SULT1B1: variants seen among roughly 807,000 people sequenced by gnomAD.
SULT1B1 encodes the protein sulfotransferase family 1B member 1.
A neutral mutation model predicts 34.6 loss-of-function variants in SULT1B1; 28 were observed. The observed-to-expected ratio is 0.81, with a 90% CI of 0.60 to 1.11. The LOEUF (loss-of-function observed/expected upper bound fraction) is 1.11. Ranked by LOEUF, SULT1B1 falls within the 50% of genes least tolerant of loss-of-function variation. The probability of loss-of-function intolerance (pLI) is 0.00; values close to 1 mark genes in which losing one functional copy is unlikely to be tolerated. For missense variants in SULT1B1, 374 were observed against 352.2 expected (o/e 1.06, Z -0.50); for synonymous variants, 147 against 110.2 (o/e 1.33, Z -2.09).
intron 4 of SULT1B1, among the ~76,000 whole-genome samples, chr4:69,741,983 A>C (rs1578056981): frequency 6.6e-6 from 1 of 152,004 alleles, no homozygotes; most frequent in Non-Finnish European, 1.5e-5. Context: ...AATGCTTTTA[A>C]CTTTTTCCTG....
chr4:69,728,479 C>T (rs145704891), intron 7 of SULT1B1, among the ~76,000 whole-genome samples: 100 of 152,122 alleles, frequency 6.6e-4, no homozygotes, highest in African/African-American at 2.3e-3. Flanking sequence ...CATGTACATG[C>T]CCCTTGCACT....
chr4:69,747,148 C>T (rs1379938597), intron 4 of SULT1B1, among the ~76,000 whole-genome samples: 1 of 152,124 alleles, frequency 6.6e-6, no homozygotes, highest in Non-Finnish European at 1.5e-5. Flanking sequence ...TTCAGCGGAG[C>T]ATTGGAGATG....
chr4:69,727,524 G>A (rs531916369), intron 7 of SULT1B1, among the ~76,000 whole-genome samples: 11 of 151,898 alleles, frequency 7.2e-5, no homozygotes, highest in Middle Eastern at 3.2e-3. Flanking sequence ...TCTAATGGTC[G>A]TAGGTCATGA....
At chr4:69,735,886 A>G (rs1718290419) in intron 4 of SULT1B1, among the ~76,000 whole-genome samples, 1 of 152,216 alleles carries the variant, frequency 6.6e-6, no homozygotes, top group African/African-American at 2.4e-5. Context: ...CATGAGAACC[A>G]AAAATCAGGT....
At chr4:69,731,159 A>G (rs2110017450) in intron 6 of SULT1B1, among the ~76,000 whole-genome samples, 1 of 152,314 alleles carries the variant, frequency 6.6e-6, no homozygotes, top group East Asian at 1.9e-4. Flanking sequence ...GTGGCCTGTT[A>G]GGAACTGGGC....
chr4:69,730,751 T>C, intron 6 of SULT1B1, 70 bp from the exon 7 acceptor site: 1 of 1,406,684 alleles, frequency 7.1e-7, no homozygotes, highest in Non-Finnish European at 9.6e-7. Context: ...AAAACATTTA[T>C]AATCCGTTTT....
At chr4:69,737,726 T>A (rs1718373791) in intron 4 of SULT1B1, among the ~76,000 whole-genome samples, 2 of 151,964 alleles carry the variant, frequency 1.3e-5, no homozygotes, top group Admixed American at 1.3e-4. Context: ...AAAAATATTA[T>A]AAATAAATAA....
chr4:69,721,285 A>C lies in SULT1B1; in HGVS notation c.*5803T>G, dbSNP rs1717664114. ...TACATATATATATAAAACAGTTCTAATGATCATACATAAGAAGACATTTGT... is the reference window on the plus strand; with the variant it reads ...TACATATATATATAAAACAGTTCTACTGATCATACATAAGAAGACATTTGT... On this transcript the variant is annotated 3_prime_UTR_variant, in exon 8 of 8. Coordinates refer to ENST00000310613, the MANE Select transcript of SULT1B1 (RefSeq NM_014465.4). 6.6e-6 allele frequency: 1 copy of C among 152,194 alleles called. No individual in the cohort carries two copies. Among genetic ancestry groups the C allele is most frequent in the African/African-American group, 2.4e-5 (1 of 41,468 alleles). 9.4% of individuals were successfully genotyped at this position (152,194 alleles called of 1,614,324 possible). A position where few individuals can be genotyped will look rare whatever the true frequency, so the allele number is the denominator to read the frequency against.
Position 69,732,396 on chromosome 4 carries a change from A to G in SULT1B1, c.597+1017T>C, listed in dbSNP as rs373473874. ...GGGGCCAAATTTCTGTGTTATATAAAGTAGGATTAATGCCATTAAAGTTTT... is the reference window on the plus strand; with the variant it reads ...GGGGCCAAATTTCTGTGTTATATAAGGTAGGATTAATGCCATTAAAGTTTT... On this transcript the variant is annotated intron_variant, in intron 6 of 7. Coordinates refer to ENST00000310613, the MANE Select transcript of SULT1B1 (RefSeq NM_014465.4). 5.6e-4 allele frequency among the ~76,000 whole-genome samples: 86 copies of G among 152,294 alleles called. 1 individual carries two copies. Among genetic ancestry groups the G allele is most frequent in the African/African-American group, 2.0e-3 (84 of 41,554 alleles).
chr4:69,723,982 T>A lies in SULT1B1; in HGVS notation c.*3106A>T, dbSNP rs897041996. 1.3e-5 allele frequency: 2 copies of A among 152,358 alleles called. No homozygotes were observed. Among genetic ancestry groups the A allele is most frequent in the Admixed American group, 6.5e-5 (1 of 15,298 alleles). The allele number at this position is 152,358 out of a possible 1,614,324, so 9.4% of individuals were successfully genotyped here. ...ACTGGCACAAGACAGGGATGCCGTC[T>A]CTCACCACTCCTATTCAACATAGTG... is the stretch of plus-strand genomic sequence containing the variant. On this transcript the variant is annotated 3_prime_UTR_variant, in exon 8 of 8. Coordinates refer to ENST00000310613, the MANE Select transcript of SULT1B1 (RefSeq NM_014465.4).
intron 5 of SULT1B1, 113 bp downstream of exon 5, chr4:69,734,025 A>C (rs1196870438): frequency 1.8e-5 from 17 of 921,946 alleles, no homozygotes; most frequent in Non-Finnish European, 2.6e-5. Flanking sequence ...TAATATTTGA[A>C]CATACTTTTC....
chr4:69,724,137 G>A lies in SULT1B1; in HGVS notation c.*2951C>T, dbSNP rs556805778. ...ATATGTAGAAAACCCCATTGTCTCA[G>A]CCCAAAATCTCCTTAAGCTGATAAG... is the stretch of plus-strand genomic sequence containing the variant. On this transcript the variant is annotated 3_prime_UTR_variant, in exon 8 of 8. Transcript: ENST00000310613. 1 of 152,270 alleles carries A rather than the reference G, an allele frequency of 6.6e-6. No individual in the cohort carries two copies. Among genetic ancestry groups the A allele is most frequent in the Non-Finnish European group, 1.5e-5 (1 of 68,020 alleles). 9.4% of individuals were successfully genotyped at this position (152,270 alleles called of 1,614,324 possible).
intron 4 of SULT1B1, among the ~76,000 whole-genome samples, chr4:69,738,408 A>C (rs1416659416): frequency 2.0e-5 from 3 of 152,176 alleles, no homozygotes; most frequent in Middle Eastern, 3.2e-3. Context: ...GCAGAAGCAA[A>C]AGAGAAGCAG....
intron 4 of SULT1B1, among the ~76,000 whole-genome samples, chr4:69,734,967 C>G (rs939301222): frequency 6.6e-6 from 1 of 151,810 alleles, no homozygotes; most frequent in Non-Finnish European, 1.5e-5. Context: ...TACAGGCGCC[C>G]GCCACCACGC....
At chr4:69,748,756 T>A (rs1718852219) in intron 4 of SULT1B1, among the ~76,000 whole-genome samples, 1 of 152,156 alleles carries the variant, frequency 6.6e-6, no homozygotes, top group Admixed American at 6.5e-5. Context: ...CACTTCAAAA[T>A]CTTGCAGTAA....
At position 69,726,033 on chromosome 4, in the gene SULT1B1, C is replaced by CATAT. The variant is rs756017821; in HGVS notation, c.*1051_*1054dup. ...ACTTAAAGTATAATAATAAAATGTA[C>CATAT]ATATATATATATATATATATATATA... On this transcript the variant is annotated 3_prime_UTR_variant, in exon 8 of 8. Transcript: ENST00000310613. 0.014 allele frequency: 418 copies of CATAT among 28,920 alleles called. 21 individuals are homozygous for CATAT. Among genetic ancestry groups the CATAT allele is most frequent in the Non-Finnish European group, 0.02 (240 of 11,932 alleles). 1.8% of individuals were successfully genotyped at this position (28,920 alleles called of 1,614,324 possible). A position where few individuals can be genotyped will look rare whatever the true frequency, so the allele number is the denominator to read the frequency against.
intron 4 of SULT1B1, among the ~76,000 whole-genome samples, chr4:69,740,775 G>T (rs1304079864): frequency 2.0e-5 from 3 of 152,056 alleles, no homozygotes; most frequent in African/African-American, 4.8e-5. Context: ...GTTTTTAATT[G>T]GGTTGTTTTC....
Position 69,721,408 on chromosome 4 carries a change from G to A in SULT1B1, c.*5680C>T, listed in dbSNP as rs968240061. ...GGCCTTTCCCAGTTATCTGAAGATT[G>A]CTGCACAAAATAATTGTTTTCCCAT... On this transcript the variant is annotated 3_prime_UTR_variant, in exon 8 of 8. Transcript: ENST00000310613. 1 of 152,022 alleles carries A rather than the reference G, an allele frequency of 6.6e-6. No homozygotes were observed. Among genetic ancestry groups the A allele is most frequent in the African/African-American group, 2.4e-5 (1 of 41,396 alleles). 9.4% of individuals were successfully genotyped at this position (152,022 alleles called of 1,614,324 possible). A position where few individuals can be genotyped will look rare whatever the true frequency, so the allele number is the denominator to read the frequency against.
chr4:69,755,643 T>C (rs748804956), intron 1 of SULT1B1, among the ~76,000 whole-genome samples: 2 of 152,232 alleles, frequency 1.3e-5, no homozygotes, highest in Non-Finnish European at 2.9e-5. Context: ...GCTGTCATTC[T>C]GACCTTTGAT....
Sources: allele counts gnomAD v4.1 joint callset (sites outside exome capture counted in the v4.1 genomes callset), GRCh38; gene constraint gnomAD v4.1.1; transcripts MANE v1.5; gene names NCBI Gene and HGNC (gene_info 2026-07-23, HGNC 2026-07-21).